The following LIN9 variants were observed in gnomAD, a reference collection of about 807,000 sequenced individuals.
LIN9 encodes lin-9 DREAM MuvB core complex component.
A neutral mutation model predicts 78.0 loss-of-function variants in LIN9; 18 were observed. That is an observed-to-expected ratio of 0.23 (90% confidence interval 0.16 to 0.34). The LOEUF is 0.34. LIN9 is among the 10% of genes least tolerant of loss of function. LIN9 has a pLI of 1.00. For synonymous variants in LIN9, 192 were observed against 215.2 expected (o/e 0.89, Z 0.94); for missense variants, 451 against 644.1 (o/e 0.70, Z 3.25).
At chr1:226,304,712 G>C (rs979043171) in intron 1 of LIN9, among the ~76,000 whole-genome samples, 2 of 152,074 alleles carry the variant, frequency 1.3e-5, no homozygotes, top group African/African-American at 4.8e-5. Flanking sequence ...AGGGAGGAGG[G>C]GTGACTGTGC....
intron 4 of LIN9, among the ~76,000 whole-genome samples, chr1:226,289,072 C>G (rs570957957): frequency 9.7e-4 from 148 of 152,122 alleles, no homozygotes; most frequent in African/African-American, 3.4e-3. Flanking sequence ...CCCATCTCTA[C>G]TAAAAATACA....
At chr1:226,305,124 T>G (rs1662819930) in intron 1 of LIN9, among the ~76,000 whole-genome samples, 1 of 151,252 alleles carries the variant, frequency 6.6e-6, no homozygotes, top group Non-Finnish European at 1.5e-5. Flanking sequence ...GAGCAAAGAC[T>G]GCACCGCTGC....
intron 7 of LIN9, among the ~76,000 whole-genome samples, chr1:226,274,451 G>A (rs1316063836): frequency 6.6e-6 from 1 of 152,146 alleles, no homozygotes; most frequent in East Asian, 1.9e-4. Context: ...TGTGTCTAAT[G>A]ATGGGTTTTG....
chr1:226,282,546 C>G (rs983921738), intron 6 of LIN9, among the ~76,000 whole-genome samples: 1 of 152,176 alleles, frequency 6.6e-6, no homozygotes, highest in East Asian at 1.9e-4. Flanking sequence ...CTCGGCCGGG[C>G]GCGGTGGCTC....
chr1:226,275,100 G>C (rs1221232267), intron 7 of LIN9, among the ~76,000 whole-genome samples: 1 of 152,038 alleles, frequency 6.6e-6, no homozygotes, highest in African/African-American at 2.4e-5. Context: ...AAAATTACTG[G>C]CAGATCTTTT....
intron 4 of LIN9, among the ~76,000 whole-genome samples, chr1:226,292,230 G>A (rs745866495): frequency 4.0e-5 from 6 of 151,180 alleles, no homozygotes; most frequent in Admixed American, 1.3e-4. Flanking sequence ...GCGCAATTTC[G>A]GCTCACTGCA....
chr1:226,264,422 A>T (rs1481631092), intron 10 of LIN9, among the ~76,000 whole-genome samples: 1 of 152,116 alleles, frequency 6.6e-6, no homozygotes, highest in African/African-American at 2.4e-5. Context: ...TAAATAAAAA[A>T]ATGTGATTGA....
At chr1:226,293,506 AAC>A (rs1661923056) in intron 4 of LIN9, among the ~76,000 whole-genome samples, 1 of 152,224 alleles carries the variant, frequency 6.6e-6, no homozygotes, top group South Asian at 2.1e-4. Flanking sequence ...CCTTGTATAC[AAC>A]AGCTAACTTA....
chr1:226,257,146 C>G (rs1659257084), intron 10 of LIN9, among the ~76,000 whole-genome samples: 1 of 151,804 alleles, frequency 6.6e-6, no homozygotes, highest in Admixed American at 6.6e-5. Flanking sequence ...GACGGGGTTT[C>G]ACCATGTTGG....
chr1:226,232,806 G>A (rs975039075), intron 14 of LIN9, 200 bp from the exon 15 acceptor site: 2 of 498,000 alleles, frequency 4.0e-6, no homozygotes, highest in South Asian at 3.4e-5. Flanking sequence ...GGAGCCACGG[G>A]GGGCTGGAAG....
chr1:226,298,840 C>T (rs2102666231), intron 2 of LIN9, among the ~76,000 whole-genome samples: 1 of 152,130 alleles, frequency 6.6e-6, no homozygotes, highest in African/African-American at 2.4e-5. Flanking sequence ...CGAAGCAAGC[C>T]GAGATAGCAC....
At chr1:226,286,013 A>G (rs948086835) in intron 6 of LIN9, among the ~76,000 whole-genome samples, 1 of 152,212 alleles carries the variant, frequency 6.6e-6, no homozygotes, top group African/African-American at 2.4e-5. Flanking sequence ...GATATATTTA[A>G]CATATAATCA....
intron 11 of LIN9, among the ~76,000 whole-genome samples, chr1:226,247,131 T>C (rs1658534113): frequency 6.6e-6 from 1 of 152,174 alleles, no homozygotes. Flanking sequence ...TCTGCTGTGG[T>C]TGTATCCACC....
In LIN9 at chr1:226,232,626, G is replaced by A; in HGVS notation, c.1524-20C>T. The A allele has an allele frequency of 3.5e-6, 5 of 1,432,232 alleles. No homozygotes were observed. Among genetic ancestry groups the A allele is most frequent in the South Asian group, 2.6e-5 (2 of 77,252 alleles). 88.7% of individuals were successfully genotyped at this position (1,432,232 alleles called of 1,614,324 possible). On this transcript the variant is annotated intron_variant, in intron 14 of 14. Transcript: ENST00000681046. Reference sequence around the variant, plus strand: ...AAGCAACTAAAGAAAGAAGAAACATGGTTAACTACTTTATTTCAAAAAATT... The same window carrying A: ...AAGCAACTAAAGAAAGAAGAAACATAGTTAACTACTTTATTTCAAAAAATT...
chr1:226,264,978 T>A (rs745671057), intron 10 of LIN9, among the ~76,000 whole-genome samples: 4 of 152,218 alleles, frequency 2.6e-5, no homozygotes, highest in Admixed American at 1.3e-4. Flanking sequence ...TTATTTAATC[T>A]AATTTTCAAA....
chr1:226,234,410 C>G (rs997182187), intron 12 of LIN9, among the ~76,000 whole-genome samples: 3 of 152,176 alleles, frequency 2.0e-5, no homozygotes, highest in Non-Finnish European at 2.9e-5. Flanking sequence ...TGAACCCATA[C>G]TGACATAACT....
intron 6 of LIN9, among the ~76,000 whole-genome samples, chr1:226,282,559 G>A (rs781420842): frequency 3.9e-5 from 6 of 152,158 alleles, no homozygotes; most frequent in East Asian, 1.9e-4. Flanking sequence ...GGTGGCTCAC[G>A]CCTGTGATCC....
Position 226,272,381 on chromosome 1 carries a change from C to G in LIN9, c.683-4291G>C, listed in dbSNP as rs566085827. ...AATCATTACTTTTTAATTGAAGTGGCTTTTTTTTTTTTTTTTGAGACAGAG... is the reference window on the plus strand; with the variant it reads ...AATCATTACTTTTTAATTGAAGTGGGTTTTTTTTTTTTTTTTGAGACAGAG... On this transcript the variant is annotated intron_variant, in intron 7 of 14. Transcript: ENST00000681046. Among the ~76,000 whole-genome samples, 278 of 125,954 alleles carry G rather than the reference C, an allele frequency of 2.2e-3. 1 individual carries two copies. The highest frequency in any genetic ancestry group is 7.7e-3 in the African/African-American group (266 of 34,374). The allele number at this position is 125,954 out of a possible 152,430, so 82.6% of individuals were successfully genotyped here.
chr1:226,277,066 C>G (rs1160450832), intron 7 of LIN9, among the ~76,000 whole-genome samples: 2 of 151,566 alleles, frequency 1.3e-5, no homozygotes, highest in African/African-American at 2.4e-5. Flanking sequence ...AATTTACGGC[C>G]AGGTGTGGTG....
Sources: gnomAD v4.1 joint callset for allele counts (sites outside exome capture counted in the v4.1 genomes callset) on GRCh38, gnomAD v4.1.1 for gene constraint, MANE v1.5 for transcripts, NCBI Gene and HGNC (gene_info 2026-07-23, HGNC 2026-07-21) for gene names.